The following ANKRD10 variants were observed in gnomAD, a reference collection of about 807,000 sequenced individuals.
ANKRD10 encodes ankyrin repeat domain-containing protein 10.
Under a neutral mutation model 27.0 loss-of-function variants are expected in ANKRD10, and 14 were observed. That is an observed-to-expected ratio of 0.52 (90% CI 0.34 to 0.81). The LOEUF (loss-of-function observed/expected upper bound fraction) is 0.81, where lower values mean the gene tolerates loss of function less well. ANKRD10 is among the 40% of genes least tolerant of loss of function. The probability of loss-of-function intolerance (pLI) is 0.01; values close to 1 mark genes in which losing one functional copy is unlikely to be tolerated. For missense variants in ANKRD10, 493 were observed against 544.0 expected (o/e 0.91, Z 0.93); for synonymous variants, 250 against 224.5 (o/e 1.11, Z -1.01).
chr13:110,885,083 GC>G (rs1045546771), intron 4 of ANKRD10, among the ~76,000 whole-genome samples: 17 of 152,236 alleles, frequency 1.1e-4, no homozygotes, highest in Admixed American at 3.9e-4. Context: ...GAGGCCAAAA[GC>G]ATTCTTCAAA....
At position 110,915,069 on chromosome 13, in the gene ANKRD10, C is replaced by G. The variant is rs1444911475; in HGVS notation, c.-135G>C. 2 of 1,396,056 alleles carry G rather than the reference C, an allele frequency of 1.4e-6. No individual in the cohort carries two copies. Among genetic ancestry groups the G allele is most frequent in the Non-Finnish European group, 1.9e-6 (2 of 1,079,636 alleles). The allele number at this position is 1,396,056 out of a possible 1,614,324, so 86.5% of individuals were successfully genotyped here. ...CCCACAGGCTGCCGAGCGGAGCGCG[C>G]ACAGAGGGGGCGGGGCGGGGCCTGG... On this transcript the variant is annotated 5_prime_UTR_variant, in exon 1 of 6. Transcript: ENST00000267339.
chr13:110,891,018 C>CTTTT (rs55859589), intron 4 of ANKRD10, among the ~76,000 whole-genome samples: 20,015 of 152,152 alleles, frequency 0.13, 1,682 homozygotes, highest in Non-Finnish European at 0.19. Context: ...CTTAGAAACT[C>CTTTT]TGAGACTAGT....
At position 110,878,916 on chromosome 13, in the gene ANKRD10, TC is replaced by T. The variant is rs2064759921; in HGVS notation, c.*720del. ...CTGACAGTTTCTACAAATAGTGATT[TC>T]CACTACATATAAAGGAATCTGTTAC... is the stretch of plus-strand genomic sequence containing the variant. On this transcript the variant is annotated 3_prime_UTR_variant, in exon 6 of 6. Transcript: ENST00000267339. 1 of 152,312 alleles carries T rather than the reference TC, an allele frequency of 6.6e-6. No individual in the cohort carries two copies. The allele number at this position is 152,312 out of a possible 1,614,324, so 9.4% of individuals were successfully genotyped here. A position where few individuals can be genotyped will look rare whatever the true frequency, so the allele number is the denominator to read the frequency against.
chr13:110,912,025 C>T (rs575375699), intron 1 of ANKRD10, among the ~76,000 whole-genome samples: 1 of 152,358 alleles, frequency 6.6e-6, no homozygotes, highest in African/African-American at 2.4e-5. Context: ...ACTAACATGG[C>T]AAGTTAAGAC....
In ANKRD10 at chr13:110,879,551, A is replaced by G; in HGVS notation, c.*86T>C. On this transcript the variant is annotated 3_prime_UTR_variant, in exon 6 of 6. Transcript: ENST00000267339. ...GTATATAAAAAACGTACAAGTTGTGACATTCGTTCAAGTTGCTGCTACATG... is the reference window on the plus strand; with the variant it reads ...GTATATAAAAAACGTACAAGTTGTGGCATTCGTTCAAGTTGCTGCTACATG... 1.0e-6 allele frequency: 1 copy of G among 998,358 alleles called. No homozygotes were observed. The highest frequency in any genetic ancestry group is 1.5e-6 in the Non-Finnish European group (1 of 671,658). The allele number at this position is 998,358 out of a possible 1,614,324, so 61.8% of individuals were successfully genotyped here.
intron 2 of ANKRD10, among the ~76,000 whole-genome samples, chr13:110,908,045 AG>A (rs2065587036): frequency 6.6e-6 from 1 of 152,112 alleles, no homozygotes; most frequent in Non-Finnish European, 1.5e-5. Context: ...ACATCCTGAG[AG>A]AAGGTAGCCA....
chr13:110,879,757 C>T lies in ANKRD10; in HGVS notation c.1143G>A (p.Gly381=), dbSNP rs776397680. The T allele has an allele frequency of 1.9e-6, 3 of 1,614,210 alleles. No individual in the cohort carries two copies. Among genetic ancestry groups the T allele is most frequent in the Non-Finnish European group, 2.5e-6 (3 of 1,180,042 alleles). The change falls in exon 6 of 6, where the codon GGG becomes GGA. Residue 381 remains glycine, a synonymous_variant. Transcript: ENST00000267339. Reference sequence around the variant, plus strand: ...GTTCTGGGATGCTTTCAGCAGTGTCCCCAAACCCGTGGTAGTGTCCATAGT... The same window carrying T: ...GTTCTGGGATGCTTTCAGCAGTGTCTCCAAACCCGTGGTAGTGTCCATAGT... ...NLYYGHYHGF[G]DTAESIPELN...
At chr13:110,887,848 T>C (rs1231452201) in intron 4 of ANKRD10, among the ~76,000 whole-genome samples, 1 of 152,180 alleles carries the variant, frequency 6.6e-6, no homozygotes. Context: ...CTGTGGCCTT[T>C]CCACTGAACT....
At chr13:110,894,279 C>T (rs1028804093) in intron 3 of ANKRD10, 1 of 934,456 alleles carries the variant, frequency 1.1e-6, no homozygotes, top group Non-Finnish European at 1.7e-6. Context: ...AAGACAGCTT[C>T]CATACCTGTT....
Position 110,914,713 on chromosome 13 carries a change from G to A in ANKRD10, c.210+12C>T. ...GCCGGGGAAAATGGCGCCTTAAAGC[G>A]TTCGCACCCACCTTGCCGAAATGCG... is the stretch of plus-strand genomic sequence containing the variant. On this transcript the variant is annotated intron_variant, in intron 1 of 5. Coordinates refer to ENST00000267339, the MANE Select transcript of ANKRD10 (RefSeq NM_017664.4). 2 of 1,567,324 alleles carry A rather than the reference G, an allele frequency of 1.3e-6. No individual in the cohort carries two copies. The highest frequency in any genetic ancestry group is 1.2e-5 in the South Asian group (1 of 85,220).
intron 4 of ANKRD10, among the ~76,000 whole-genome samples, chr13:110,890,848 C>A (rs1333932167): frequency 6.6e-6 from 1 of 152,102 alleles, no homozygotes; most frequent in East Asian, 1.9e-4. Context: ...ACTGGTCAAC[C>A]AAAACAAATC....
intron 4 of ANKRD10, among the ~76,000 whole-genome samples, chr13:110,886,987 AACCT>A (rs2064948065): frequency 6.6e-6 from 1 of 152,128 alleles, no homozygotes; most frequent in South Asian, 2.1e-4. Flanking sequence ...TCAGGATGGA[AACCT>A]ATCTAGGACT....
At chr13:110,883,351 C>G (rs1030619395) in intron 5 of ANKRD10, 3 of 274,318 alleles carry the variant, frequency 1.1e-5, no homozygotes, top group African/African-American at 6.8e-5. Flanking sequence ...TAAAAATAAG[C>G]AAGGCACATT....
intron 3 of ANKRD10, 28 bp from the exon 4 acceptor site, chr13:110,893,291 A>G: frequency 6.2e-7 from 1 of 1,606,700 alleles, no homozygotes; most frequent in Non-Finnish European, 8.5e-7. Context: ...ACTGAATTAC[A>G]CCCCATCCGC....
chr13:110,883,796 G>A lies in ANKRD10; in HGVS notation c.692-3C>T, dbSNP rs202143705. On this transcript the variant is annotated splice_region_variant and splice_polypyrimidine_tract_variant and intron_variant, in intron 4 of 5. Coordinates refer to ENST00000267339, the MANE Select transcript of ANKRD10 (RefSeq NM_017664.4). ...CACGGCAGAATCCAAGCTTTGAGCT[G>A]CACAGAAAACAAAGACTATTTCAGA... 203 of 1,613,494 alleles carry A rather than the reference G, an allele frequency of 1.3e-4. No homozygotes were observed. The highest frequency in any genetic ancestry group is 1.6e-4 in the Non-Finnish European group (193 of 1,179,744).
Position 110,914,997 on chromosome 13 carries a change from AGCC to A in ANKRD10, c.-66_-64del, listed in dbSNP as rs1004402798. 5.4e-6 allele frequency: 8 copies of A among 1,489,054 alleles called. No homozygotes were observed. Among genetic ancestry groups the A allele is most frequent in the South Asian group, 1.3e-5 (1 of 76,554 alleles). The allele number at this position is 1,489,054 out of a possible 1,614,324, so 92.2% of individuals were successfully genotyped here. ...AGGACGCGTCGGGGAGGACTCGAGA[AGCC>A]GCCGCCGCAGCACAAAGGAACGAGA... On this transcript the variant is annotated 5_prime_UTR_variant, in exon 1 of 6. Transcript: ENST00000267339.
intron 3 of ANKRD10, among the ~76,000 whole-genome samples, chr13:110,895,778 T>C (rs897889256): frequency 2.6e-5 from 4 of 152,136 alleles, no homozygotes; most frequent in East Asian, 3.8e-4. Context: ...TATAACCTTA[T>C]AGAAAAATAA....
chr13:110,912,269 A>G (rs928587470), intron 1 of ANKRD10, among the ~76,000 whole-genome samples: 1 of 152,172 alleles, frequency 6.6e-6, no homozygotes, highest in Non-Finnish European at 1.5e-5. Flanking sequence ...AACACCTGAC[A>G]CTACCATCTC....
At chr13:110,888,667 T>C (rs2064998001) in intron 4 of ANKRD10, among the ~76,000 whole-genome samples, 1 of 152,158 alleles carries the variant, frequency 6.6e-6, no homozygotes, top group South Asian at 2.1e-4. Flanking sequence ...TCTTTAACCC[T>C]GCTCAACACG....
Sources: gnomAD v4.1 joint callset for allele counts (sites outside exome capture counted in the v4.1 genomes callset) on GRCh38, gnomAD v4.1.1 for gene constraint, MANE v1.5 for transcripts, NCBI Gene and HGNC (gene_info 2026-07-23, HGNC 2026-07-21) for gene names.